The following DDAH1 variants were observed in gnomAD, a reference collection of about 807,000 sequenced individuals.
The protein encoded by DDAH1 is dimethylarginine dimethylaminohydrolase 1.
A neutral mutation model predicts 28.8 loss-of-function variants in DDAH1; 19 were observed. The observed-to-expected ratio is 0.66, with a 90% CI of 0.46 to 0.97. DDAH1 has a LOEUF of 0.97. DDAH1 is among the 50% of genes least tolerant of loss of function. DDAH1 has a pLI of 0.00. For synonymous variants in DDAH1, 153 were observed against 154.4 expected (o/e 0.99, Z 0.07); for missense variants, 326 against 375.9 (o/e 0.87, Z 1.10).
chr1:85,382,783 T>C (rs923480702), intron 1 of DDAH1, among the ~76,000 whole-genome samples: 3 of 152,218 alleles, frequency 2.0e-5, no homozygotes, highest in Admixed American at 2.0e-4. Flanking sequence ...TGAAAATCCT[T>C]GGGCTCTTAA....
intron 1 of DDAH1, among the ~76,000 whole-genome samples, chr1:85,402,560 A>G (rs1210119175): frequency 6.6e-6 from 1 of 152,196 alleles, no homozygotes; most frequent in Admixed American, 6.5e-5. Context: ...AATGCTTTGT[A>G]TATTTTTCTG....
intron 1 of DDAH1, among the ~76,000 whole-genome samples, chr1:85,554,003 T>C (rs1367607284): frequency 1.3e-5 from 2 of 152,210 alleles, no homozygotes; most frequent in African/African-American, 2.4e-5. Context: ...AGATTATACT[T>C]GCTGCTCACA....
At chr1:85,523,382 C>A (rs1657757148) in intron 1 of DDAH1, among the ~76,000 whole-genome samples, 1 of 151,978 alleles carries the variant, frequency 6.6e-6, no homozygotes, top group Admixed American at 6.6e-5. Context: ...GGGGCACCTA[C>A]AATACAGAGA....
intron 1 of DDAH1, among the ~76,000 whole-genome samples, chr1:85,441,299 T>G (rs780275100): frequency 2.6e-5 from 4 of 152,082 alleles, no homozygotes; most frequent in Non-Finnish European, 5.9e-5. Flanking sequence ...TCCCAGCACT[T>G]CGGGAGGACA....
intron 2 of DDAH1, among the ~76,000 whole-genome samples, chr1:85,486,815 A>G (rs916597023): frequency 2.0e-5 from 3 of 152,236 alleles, no homozygotes; most frequent in Non-Finnish European, 4.4e-5. Flanking sequence ...ATGGAGGTAG[A>G]GAAAGGAAAG....
At chr1:85,507,726 G>T (rs1436167865) in intron 1 of DDAH1, among the ~76,000 whole-genome samples, 2 of 152,124 alleles carry the variant, frequency 1.3e-5, no homozygotes, top group African/African-American at 4.8e-5. Flanking sequence ...GTCCTTTGAA[G>T]TTCTCGTATT....
At chr1:85,461,171 G>T (rs558584754) in intron 1 of DDAH1, among the ~76,000 whole-genome samples, 1 of 152,270 alleles carries the variant, frequency 6.6e-6, no homozygotes, top group South Asian at 2.1e-4. Context: ...TTGGAGTCAT[G>T]TAAAATTTGA....
At chr1:85,324,272 A>AAATAAT (rs71075831) in intron 5 of DDAH1, among the ~76,000 whole-genome samples, 3,754 of 142,232 alleles carry the variant, frequency 0.026, 134 homozygotes, top group African/African-American at 0.08. Context: ...CCTGTCTCAA[A>AAATAAT]AATAATAATA....
intron 4 of DDAH1, among the ~76,000 whole-genome samples, chr1:85,341,520 T>C (rs921606571): frequency 2.0e-5 from 3 of 152,172 alleles, no homozygotes; most frequent in Non-Finnish European, 2.9e-5. Context: ...CACAAACAGA[T>C]ATAAAGATGT....
At chr1:85,491,651 C>G (rs1366202111) in intron 2 of DDAH1, among the ~76,000 whole-genome samples, 1 of 152,160 alleles carries the variant, frequency 6.6e-6, no homozygotes, top group Non-Finnish European at 1.5e-5. Context: ...AGCAAATTCT[C>G]TTTTTTTGTG....
At chr1:85,428,670 T>C (rs1399885726) in intron 1 of DDAH1, among the ~76,000 whole-genome samples, 1 of 152,020 alleles carries the variant, frequency 6.6e-6, no homozygotes, top group East Asian at 1.9e-4. Context: ...CTCATCAACT[T>C]CCTGCAGCAA....
chr1:85,324,732 T>G lies in DDAH1; in HGVS notation c.741+8A>C, dbSNP rs1647263908. On this transcript the variant is annotated splice_region_variant and intron_variant, in intron 5 of 5. Coordinates refer to ENST00000284031, the MANE Select transcript of DDAH1 (RefSeq NM_012137.4). ...CAGCTGCAGTGGTCAGAAGGGATAT[T>G]TTTTTACCTTTGCACTTTCTGGATA... is the stretch of plus-strand genomic sequence containing the variant. 1 of 1,614,080 alleles carries G rather than the reference T, an allele frequency of 6.2e-7. No individual in the cohort carries two copies. The highest frequency in any genetic ancestry group is 8.5e-7 in the Non-Finnish European group (1 of 1,180,000).
intron 2 of DDAH1, among the ~76,000 whole-genome samples, chr1:85,471,650 C>T (rs190996852): frequency 6.6e-6 from 1 of 152,294 alleles, no homozygotes; most frequent in Non-Finnish European, 1.5e-5. Context: ...GCTCTTGTGC[C>T]AGGCATTGTA....
chr1:85,403,716 T>C (rs1203318168), intron 1 of DDAH1, among the ~76,000 whole-genome samples: 1 of 152,206 alleles, frequency 6.6e-6, no homozygotes, highest in Admixed American at 6.5e-5. Flanking sequence ...CTATTCTCAG[T>C]TGGAGAAAGA....
chr1:85,387,005 A>G (rs114546078), intron 1 of DDAH1, among the ~76,000 whole-genome samples: 6,127 of 152,258 alleles, frequency 0.04, 427 homozygotes, highest in African/African-American at 0.14. Flanking sequence ...CTGAGGTGGT[A>G]TAGGGCAGTG....
At chr1:85,539,505 C>T (rs1232671236) in intron 1 of DDAH1, among the ~76,000 whole-genome samples, 1 of 151,998 alleles carries the variant, frequency 6.6e-6, no homozygotes, top group Non-Finnish European at 1.5e-5. Context: ...TCAGTGTTTC[C>T]CAGATCAAAC....
At chr1:85,474,263 T>G (rs1305312802) in intron 2 of DDAH1, among the ~76,000 whole-genome samples, 7 of 152,262 alleles carry the variant, frequency 4.6e-5, no homozygotes, top group Non-Finnish European at 1.0e-4. Flanking sequence ...AACAGCCATC[T>G]TATCCAAGGC....
chr1:85,509,377 A>G (rs1657144532), intron 1 of DDAH1, among the ~76,000 whole-genome samples: 2 of 152,228 alleles, frequency 1.3e-5, no homozygotes, highest in South Asian at 2.1e-4. Flanking sequence ...ATAAAACCAC[A>G]AAGATGGGGA....
chr1:85,424,384 G>A (rs778041488), intron 1 of DDAH1, among the ~76,000 whole-genome samples: 2 of 152,096 alleles, frequency 1.3e-5, no homozygotes, highest in Non-Finnish European at 2.9e-5. Flanking sequence ...GATCAAGGCA[G>A]TATAGGGAAT....
Sources: allele counts gnomAD v4.1 joint callset (sites outside exome capture counted in the v4.1 genomes callset), GRCh38; gene constraint gnomAD v4.1.1; transcripts MANE v1.5; gene names NCBI Gene and HGNC (gene_info 2026-07-23, HGNC 2026-07-21).